The following RELL1 variants were observed in gnomAD, a reference collection of about 807,000 sequenced individuals.
The protein encoded by RELL1 is RELT like 1, also known as RELT-like protein 1.
RELL1 carries 10 observed loss-of-function variants against 23.0 expected under a neutral mutation model. The observed-to-expected ratio is 0.43, with a 90% CI of 0.27 to 0.74. The LOEUF (loss-of-function observed/expected upper bound fraction) is 0.74, where lower values mean the gene tolerates loss of function less well. Among genes scored for constraint, RELL1 ranks in the 30% least tolerant of loss-of-function variants. The pLI is 0.19. For missense variants in RELL1, 315 were observed against 364.4 expected (o/e 0.86, Z 1.10); for synonymous variants, 146 against 146.8 (o/e 0.99, Z 0.04).
At chr4:37,606,849 A>C (rs1167470961), downstream of RELL1, among the ~76,000 whole-genome samples, 1 of 152,250 alleles carries the variant, frequency 6.6e-6, no homozygotes, top group Non-Finnish European at 1.5e-5. This position sits in a 1 kb window ranked among gnomAD's most constrained non-coding sequence, Gnocchi z 4.1. Context: ...CTAATCTCTA[A>C]GTATCTCCCA....
In RELL1 at chr4:37,669,161, C is replaced by G. The variant is rs1197082911; in HGVS notation, c.88+17039G>C. Among the ~76,000 whole-genome samples the G allele has an allele frequency of 3.4e-3, 383 of 111,954 alleles. 23 individuals carry two copies. Among genetic ancestry groups the G allele is most frequent in the African/African-American group, 0.013 (350 of 26,188 alleles). The allele number at this position is 111,954 out of a possible 152,430, so 73.4% of individuals were successfully genotyped here. On this transcript the variant is annotated intron_variant, in intron 1 of 6. Transcript: ENST00000454158. ...TGAGGAGCCCCTCTGCCCGGCCAGC[C>G]GCCCCGTCCGGGAGGGAGGTGGGGG...
At chr4:37,618,961 C>A (rs1422744058) in intron 6 of RELL1, among the ~76,000 whole-genome samples, 1 of 152,068 alleles carries the variant, frequency 6.6e-6, no homozygotes, top group Non-Finnish European at 1.5e-5. Flanking sequence ...CTCACTGCAA[C>A]CTCCGCCTCC....
chr4:37,610,959 T>C lies in RELL1; in HGVS notation c.*2387A>G, dbSNP rs552243630. 2.6e-5 allele frequency among the ~76,000 whole-genome samples: 4 copies of C among 152,320 alleles called. No homozygotes were observed. Among genetic ancestry groups the C allele is most frequent in the African/African-American group, 9.6e-5 (4 of 41,578 alleles). On this transcript the variant is annotated 3_prime_UTR_variant, in exon 7 of 7. Transcript: ENST00000454158. This position sits in a 1 kb window ranked among gnomAD's most constrained non-coding sequence, Gnocchi z 4.1. ...CAGTAAAAAGCGTATGTGTTGAAAA[T>C]ACTGAACGCTTAATTTTGGCAAATT...
chr4:37,678,479 A>G (rs1033920204), intron 1 of RELL1, among the ~76,000 whole-genome samples: 4 of 152,168 alleles, frequency 2.6e-5, no homozygotes, highest in African/African-American at 9.7e-5. Context: ...TGCCAAGCCC[A>G]TCAGACCCTA....
At chr4:37,660,508 C>T (rs1343308243) in intron 1 of RELL1, among the ~76,000 whole-genome samples, 1 of 152,182 alleles carries the variant, frequency 6.6e-6, no homozygotes, top group Non-Finnish European at 1.5e-5. Flanking sequence ...CATCTGGTAG[C>T]AAACCCTGCA....
intron 3 of RELL1, among the ~76,000 whole-genome samples, 175 bp downstream of exon 3, chr4:37,647,193 G>A (rs563040792): frequency 1.6e-3 from 241 of 152,308 alleles, no homozygotes; most frequent in African/African-American, 5.5e-3. Context: ...ACCGACTCAC[G>A]CTTAGAAAAC....
intron 1 of RELL1, 121 bp from the exon 2 acceptor site, chr4:37,649,621 C>T: frequency 1.2e-6 from 1 of 814,138 alleles, no homozygotes; most frequent in Non-Finnish European, 2.0e-6. Flanking sequence ...GCCATGCAGA[C>T]TGGTGGGTCC....
In RELL1 at chr4:37,631,480, G is replaced by C; in HGVS notation, c.724C>G (p.Arg242Gly). 1 of 1,614,054 alleles carries C rather than the reference G, an allele frequency of 6.2e-7. No individual in the cohort carries two copies. The highest frequency in any genetic ancestry group is 8.5e-7 in the Non-Finnish European group (1 of 1,179,998). ...KVEHKSNQKE[R>G]RSLMSVSGAE... Reference sequence around the variant, plus strand: ...CCACTAACAGACATCAGGCTTCTCCGTTCCTTCTGGTTTGACTTGTGCTCC... The same window carrying C: ...CCACTAACAGACATCAGGCTTCTCCCTTCCTTCTGGTTTGACTTGTGCTCC... The change falls in exon 6 of 7, where the codon CGG becomes GGG. Residue 242 changes from arginine to glycine, a missense_variant. Coordinates refer to ENST00000454158, the MANE Select transcript of RELL1 (RefSeq NM_001085400.2).
chr4:37,587,239 A>C (rs1718381333), downstream of RELL1, among the ~76,000 whole-genome samples: 1 of 152,096 alleles, frequency 6.6e-6, no homozygotes, highest in Non-Finnish European at 1.5e-5. Context: ...TTTAGAGTCC[A>C]CCCAGATAAA....
chr4:37,686,055 G>T, intron 1 of RELL1, 145 bp downstream of exon 1: 1 of 691,332 alleles, frequency 1.4e-6, no homozygotes, highest in Non-Finnish European at 2.3e-6. Flanking sequence ...GACCGCCGCG[G>T]GACAGCCAGT....
At position 37,686,317 on chromosome 4, in the gene RELL1, GGCGCCGCGTCCC is replaced by G. The variant is rs760957049; in HGVS notation, c.-42_-31del. 6.8e-7 allele frequency: 1 copy of G among 1,468,252 alleles called. No individual in the cohort carries two copies. Among genetic ancestry groups the G allele is most frequent in the South Asian group, 1.3e-5 (1 of 76,922 alleles). The allele number at this position is 1,468,252 out of a possible 1,614,324, so 91.0% of individuals were successfully genotyped here. A position where few individuals can be genotyped will look rare whatever the true frequency, so the allele number is the denominator to read the frequency against. On this transcript the variant is annotated 5_prime_UTR_variant, in exon 1 of 7. Transcript: ENST00000454158. ...GCGTCGCTTCGCCCTCCTCCCCCAG[GGCGCCGCGTCCC>G]GCGCTCGGGAAGGCAGAGCCGCTCC...
chr4:37,685,733 C>T (rs1437453194), intron 1 of RELL1, among the ~76,000 whole-genome samples: 1 of 152,252 alleles, frequency 6.6e-6, no homozygotes, highest in Non-Finnish European at 1.5e-5. Context: ...GATTCAAAGT[C>T]CTCCAGGTTT....
intron 3 of RELL1, among the ~76,000 whole-genome samples, chr4:37,641,762 A>C (rs1264321330): frequency 6.6e-6 from 1 of 152,216 alleles, no homozygotes; most frequent in African/African-American, 2.4e-5. Flanking sequence ...TATTCTCTTC[A>C]AAGTTTTCCT....
intron 1 of RELL1, among the ~76,000 whole-genome samples, chr4:37,675,185 T>C (rs1040646186): frequency 6.6e-6 from 1 of 152,266 alleles, no homozygotes; most frequent in Non-Finnish European, 1.5e-5. Context: ...ATTCAATTTA[T>C]AAGATGCCTT....
At chr4:37,668,340 C>G (rs1393916544) in intron 1 of RELL1, among the ~76,000 whole-genome samples, 2 of 152,152 alleles carry the variant, frequency 1.3e-5, no homozygotes, top group Non-Finnish European at 2.9e-5. Flanking sequence ...CTCAGCCTGC[C>G]GAGTGCCTGC....
At chr4:37,680,303 C>CA (rs1399603024) in intron 1 of RELL1, among the ~76,000 whole-genome samples, 1 of 152,196 alleles carries the variant, frequency 6.6e-6, no homozygotes, top group East Asian at 1.9e-4. Flanking sequence ...TCAATTGCCT[C>CA]AAAAATGTGA....
intron 1 of RELL1, among the ~76,000 whole-genome samples, chr4:37,675,796 T>C (rs1722009181): frequency 6.6e-6 from 1 of 152,142 alleles, no homozygotes; most frequent in African/African-American, 2.4e-5. Flanking sequence ...TCTTATCTCT[T>C]TCACTCCCCT....
At chr4:37,635,305 C>T (rs1172443092) in intron 4 of RELL1, among the ~76,000 whole-genome samples, 182 bp from the exon 5 acceptor site, 3 of 152,062 alleles carry the variant, frequency 2.0e-5, no homozygotes, top group South Asian at 2.1e-4. Flanking sequence ...CATGACCATG[C>T]GATGACAGTT....
chr4:37,638,334 T>C, intron 4 of RELL1, 113 bp downstream of exon 4: 1 of 794,228 alleles, frequency 1.3e-6, no homozygotes. Context: ...CCAAAATAAC[T>C]ATAGTGTTAA....
Sources: allele counts gnomAD v4.1 joint callset (sites outside exome capture counted in the v4.1 genomes callset), GRCh38; gene constraint gnomAD v4.1.1; non-coding constraint Gnocchi (gnomAD v3.1); transcripts MANE v1.5; gene names NCBI Gene and HGNC (gene_info 2026-07-23, HGNC 2026-07-21).